LMBRD1: variants seen among roughly 807,000 people sequenced by gnomAD.
The protein encoded by LMBRD1 is LMBR1 domain containing 1.
A neutral mutation model predicts 74.8 loss-of-function variants in LMBRD1; 64 were observed. The ratio of observed to expected loss-of-function variants is 0.86; its 90% confidence interval spans 0.70 to 1.05. The LOEUF (loss-of-function observed/expected upper bound fraction) is 1.05. LMBRD1 is among the 50% of genes least tolerant of loss of function. LMBRD1 has a pLI of 0.00. For missense variants in LMBRD1, 652 were observed against 645.9 expected (o/e 1.01, Z -0.10); for synonymous variants, 204 against 216.3 (o/e 0.94, Z 0.50).
At chr6:69,776,768 A>G (rs746435973) in intron 3 of LMBRD1, among the ~76,000 whole-genome samples, 15 of 152,178 alleles carry the variant, frequency 9.9e-5, no homozygotes, top group Non-Finnish European at 1.5e-4. Context: ...AATCAGTACC[A>G]TTAGCTTTTT....
intron 3 of LMBRD1, among the ~76,000 whole-genome samples, chr6:69,779,966 C>G (rs183238342): frequency 2.0e-5 from 3 of 152,292 alleles, no homozygotes; most frequent in Admixed American, 6.5e-5. Flanking sequence ...CCATTAGAAA[C>G]TGGGTCCACC....
intron 5 of LMBRD1, chr6:69,746,030 C>A (rs1007380909): frequency 1.4e-5 from 3 of 216,264 alleles, no homozygotes; most frequent in Non-Finnish European, 2.9e-5. Context: ...CCACCCATGG[C>A]AAGTTCTAGG....
chr6:69,747,254 C>T (rs573428395), intron 5 of LMBRD1, among the ~76,000 whole-genome samples: 2 of 152,056 alleles, frequency 1.3e-5, no homozygotes, highest in African/African-American at 2.4e-5. Flanking sequence ...CTCACTCTCC[C>T]CCTCCCCTTC....
Position 69,727,726 on chromosome 6 carries a change from T to TAATATTAAATTATATATCCTC in LMBRD1, c.637-8666_637-8646dup, listed in dbSNP as rs1367305374. The stretch of plus-strand genomic sequence containing the variant: ...ATTAAAAGCATCTCGTTTATATTTT[T>TAATATTAAATTATATATCCTC]AATATTAAATTATATATCCTCAAAA... On this transcript the variant is annotated intron_variant, in intron 7 of 15. Coordinates refer to ENST00000649934, the MANE Select transcript of LMBRD1 (RefSeq NM_018368.4). 4.2e-3 allele frequency among the ~76,000 whole-genome samples: 640 copies of TAATATTAAATTATATATCCTC among 152,226 alleles called. 7 individuals are homozygous for TAATATTAAATTATATATCCTC. The highest frequency in any genetic ancestry group is 0.015 in the African/African-American group (605 of 41,558).
At chr6:69,713,466 A>C (rs1766425798) in intron 9 of LMBRD1, among the ~76,000 whole-genome samples, 179 bp downstream of exon 9, 1 of 152,112 alleles carries the variant, frequency 6.6e-6, no homozygotes. Context: ...CATTGCTCAG[A>C]AAGGTTATGC....
At chr6:69,786,030 C>G (rs1431832611) in intron 2 of LMBRD1, among the ~76,000 whole-genome samples, 1 of 152,160 alleles carries the variant, frequency 6.6e-6, no homozygotes, top group Non-Finnish European at 1.5e-5. Context: ...CATAACCTGA[C>G]TAGACTCTCA....
At chr6:69,684,653 G>T (rs777200494) in intron 14 of LMBRD1, among the ~76,000 whole-genome samples, 5 of 152,010 alleles carry the variant, frequency 3.3e-5, no homozygotes, top group South Asian at 2.1e-4. Context: ...GGGCTTGGGA[G>T]AATTCACCAA....
chr6:69,707,419 G>A (rs1003382393), intron 9 of LMBRD1, among the ~76,000 whole-genome samples: 4 of 152,092 alleles, frequency 2.6e-5, no homozygotes, highest in African/African-American at 9.7e-5. Context: ...GCATCATTAG[G>A]TGAAGAAAAA....
chr6:69,701,381 G>A, intron 11 of LMBRD1, 62 bp downstream of exon 11: 1 of 943,484 alleles, frequency 1.1e-6, no homozygotes, highest in East Asian at 2.5e-5. Flanking sequence ...CAGAATGTTT[G>A]CTAGACTCTA....
intron 3 of LMBRD1, among the ~76,000 whole-genome samples, chr6:69,761,735 T>G (rs984982769): frequency 6.6e-6 from 1 of 152,218 alleles, no homozygotes; most frequent in Admixed American, 6.5e-5. Context: ...ATCACTACAA[T>G]CCAGTTTTAG....
chr6:69,725,877 T>C (rs1428799653), intron 7 of LMBRD1, among the ~76,000 whole-genome samples: 2 of 151,924 alleles, frequency 1.3e-5, no homozygotes, highest in East Asian at 3.9e-4. Flanking sequence ...AAGCAAAAAA[T>C]GACAAATGGG....
At chr6:69,726,758 T>TA in intron 7 of LMBRD1, among the ~76,000 whole-genome samples, 1 of 142,542 alleles carries the variant, frequency 7.0e-6, no homozygotes, top group South Asian at 2.3e-4. Context: ...GGGAGGCAGG[T>TA]AAGGATGGTT....
At chr6:69,750,370 T>C (rs902150903) in intron 4 of LMBRD1, among the ~76,000 whole-genome samples, 2 of 151,808 alleles carry the variant, frequency 1.3e-5, no homozygotes, top group Non-Finnish European at 2.9e-5. Flanking sequence ...ACCAGGAACT[T>C]GGGAATTTAA....
At chr6:69,704,212 A>G (rs1458484673) in intron 9 of LMBRD1, among the ~76,000 whole-genome samples, 3 of 152,082 alleles carry the variant, frequency 2.0e-5, no homozygotes, top group African/African-American at 7.2e-5. Flanking sequence ...TACTTTCAGA[A>G]TATGCAAAAT....
intron 2 of LMBRD1, among the ~76,000 whole-genome samples, chr6:69,788,601 ATCTATG>A (rs1193211480): frequency 8.5e-5 from 11 of 129,970 alleles, no homozygotes; most frequent in South Asian, 8.1e-4. Context: ...CCATTTAATT[ATCTATG>A]TCTAACAGTA....
chr6:69,769,611 C>T (rs1397611162), intron 3 of LMBRD1, among the ~76,000 whole-genome samples: 3 of 151,986 alleles, frequency 2.0e-5, no homozygotes, highest in Non-Finnish European at 4.4e-5. Context: ...CTCTGTATTA[C>T]GCTTTTTGCT....
At chr6:69,733,298 C>A (rs187444968) in intron 7 of LMBRD1, among the ~76,000 whole-genome samples, 4 of 152,112 alleles carry the variant, frequency 2.6e-5, no homozygotes, top group Non-Finnish European at 5.9e-5. Flanking sequence ...ATTTTCTATA[C>A]CCTCTTTCAA....
intron 4 of LMBRD1, among the ~76,000 whole-genome samples, chr6:69,751,396 G>A (rs1252894459): frequency 6.6e-6 from 1 of 151,598 alleles, no homozygotes; most frequent in African/African-American, 2.4e-5. Flanking sequence ...GAGTGATCTC[G>A]GCTCACTGCA....
chr6:69,752,222 T>C, intron 4 of LMBRD1, 37 bp downstream of exon 4: 1 of 1,582,754 alleles, frequency 6.3e-7, no homozygotes. Context: ...ATTATTTTTC[T>C]TTCCTAAACT....
Sources: gnomAD v4.1 joint callset for allele counts (sites outside exome capture counted in the v4.1 genomes callset) on GRCh38, gnomAD v4.1.1 for gene constraint, MANE v1.5 for transcripts, NCBI Gene and HGNC (gene_info 2026-07-23, HGNC 2026-07-21) for gene names.